The following WDPCP variants were observed in gnomAD, a reference collection of about 807,000 sequenced individuals.
WDPCP encodes the protein WD repeat containing planar cell polarity effector, also known as WD repeat-containing and planar cell polarity effector protein fritz homolog.
A neutral mutation model predicts 93.1 loss-of-function variants in WDPCP; 71 were observed. The ratio of observed to expected loss-of-function variants is 0.76; its 90% CI spans 0.63 to 0.93. The LOEUF (loss-of-function observed/expected upper bound fraction) is 0.93. WDPCP is among the 40% of genes least tolerant of loss of function. The probability of loss-of-function intolerance (pLI) is 0.00; values close to 1 mark genes in which losing one functional copy is unlikely to be tolerated. For synonymous variants in WDPCP, 315 were observed against 315.0 expected (o/e 1.00, Z 0.00); for missense variants, 844 against 887.4 (o/e 0.95, Z 0.62).
the WDPCP span, among the ~76,000 whole-genome samples, chr2:63,835,137 A>T: frequency 6.6e-6 from 1 of 152,014 alleles, no homozygotes; most frequent in African/African-American, 2.4e-5. Flanking sequence ...TTGTAATCCC[A>T]GCACTTTGGG....
intron 1 of WDPCP, among the ~76,000 whole-genome samples, chr2:63,557,535 G>C (rs1005012471): frequency 2.6e-5 from 4 of 152,132 alleles, no homozygotes; most frequent in Admixed American, 1.3e-4. Flanking sequence ...CCTACAAAGA[G>C]ACTTAGACTC....
intron 1 of WDPCP, 94 bp from the exon 2 acceptor site, chr2:63,493,034 G>T: frequency 2.9e-6 from 3 of 1,043,354 alleles, no homozygotes; most frequent in Non-Finnish European, 4.4e-6. Flanking sequence ...AGAATCATTC[G>T]CCACAACTGT....
At chr2:63,550,385 T>G (rs1705515046) in intron 1 of WDPCP, among the ~76,000 whole-genome samples, 1 of 152,176 alleles carries the variant, frequency 6.6e-6, no homozygotes, top group African/African-American at 2.4e-5. Context: ...TCACCAATGA[T>G]TTCCTTGTTC....
intron 2 of WDPCP, among the ~76,000 whole-genome samples, chr2:63,490,725 G>C (rs1479702691): frequency 6.6e-6 from 1 of 152,164 alleles, no homozygotes; most frequent in Non-Finnish European, 1.5e-5. Context: ...AACAGGGACA[G>C]AAAACTTGAG....
At chr2:63,550,333 G>GGTTT (rs2106352210) in intron 1 of WDPCP, among the ~76,000 whole-genome samples, 2 of 151,844 alleles carry the variant, frequency 1.3e-5, no homozygotes, top group East Asian at 3.9e-4. Context: ...CCTGCACTAT[G>GGTTT]GTTTCTATTT....
intron 14 of WDPCP, among the ~76,000 whole-genome samples, chr2:63,231,051 G>C (rs558616958): frequency 2.6e-5 from 4 of 152,140 alleles, no homozygotes; most frequent in Non-Finnish European, 4.4e-5. Flanking sequence ...TATCCACCAC[G>C]ATCAAGTGGG....
At chr2:63,610,727 C>G (rs1400028530) in intron 3 of WDPCP, among the ~76,000 whole-genome samples, 1 of 152,166 alleles carries the variant, frequency 6.6e-6, no homozygotes, top group Non-Finnish European at 1.5e-5. Context: ...GTAACCATCC[C>G]CTTTTGTACA....
chr2:63,353,029 C>T (rs955586743), intron 12 of WDPCP, among the ~76,000 whole-genome samples: 11 of 152,152 alleles, frequency 7.2e-5, no homozygotes, highest in Admixed American at 2.0e-4. Context: ...ACCTGACCCA[C>T]GGAGAACAAA....
At chr2:63,378,556 C>T in intron 11 of WDPCP, 47 bp from the exon 12 acceptor site, 1 of 1,611,822 alleles carries the variant, frequency 6.2e-7, no homozygotes, top group Non-Finnish European at 8.5e-7. Context: ...AAAACTCCTT[C>T]AATTACAACA....
chr2:63,397,952 G>A (rs571089970), intron 10 of WDPCP, among the ~76,000 whole-genome samples: 2 of 152,242 alleles, frequency 1.3e-5, no homozygotes, highest in South Asian at 4.2e-4. Context: ...GTGTAGTTTG[G>A]GCCTGTTTAT....
At chr2:63,498,848 G>C (rs1701379750) in intron 1 of WDPCP, among the ~76,000 whole-genome samples, 2 of 152,192 alleles carry the variant, frequency 1.3e-5, no homozygotes, top group African/African-American at 4.8e-5. Flanking sequence ...TGATAGCATG[G>C]CATCCATAAG....
chr2:63,144,486 C>G (rs1671336322), intron 17 of WDPCP, among the ~76,000 whole-genome samples: 1 of 152,120 alleles, frequency 6.6e-6, no homozygotes, highest in Admixed American at 6.5e-5. Context: ...AAAATCCTGG[C>G]CTTGTGATCT....
At position 63,554,231 on chromosome 2, in the gene WDPCP, TTA is replaced by T. The variant is rs541565273; in HGVS notation, c.75+33964_75+33965del. Among the ~76,000 whole-genome samples, 124 of 152,338 alleles carry T rather than the reference TTA, an allele frequency of 8.1e-4. No homozygotes were observed. In the Middle Eastern group the frequency reaches 0.01, roughly 13 times the overall value. ...GAAGTTTCTTCGCTTTGAATTTTTC[TTA>T]TGTTTCCTTGGAATTAGATGTGGCT... is the stretch of plus-strand genomic sequence containing the variant. On this transcript the variant is annotated intron_variant, in intron 1 of 17. Coordinates refer to ENST00000272321, the MANE Select transcript of WDPCP (RefSeq NM_015910.7).
chr2:63,302,850 C>T (rs1161114697), intron 13 of WDPCP, among the ~76,000 whole-genome samples: 1 of 152,226 alleles, frequency 6.6e-6, no homozygotes, highest in South Asian at 2.1e-4. Flanking sequence ...CAGTAACAAA[C>T]TTGGCTACAG....
At chr2:63,492,965 G>A in intron 1 of WDPCP, 25 bp from the exon 2 acceptor site, 3 of 1,593,654 alleles carry the variant, frequency 1.9e-6, no homozygotes, top group Non-Finnish European at 2.6e-6. Context: ...ATTAAAAAGA[G>A]GTGCCAATTA....
intron 3 of WDPCP, chr2:63,622,819 A>C (rs1404719746): frequency 6.2e-7 from 1 of 1,610,698 alleles, no homozygotes; most frequent in Non-Finnish European, 8.5e-7. Flanking sequence ...TGGCCCAGGA[A>C]ATACTTAACC....
chr2:63,366,044 T>C (rs547159493), intron 12 of WDPCP, among the ~76,000 whole-genome samples: 18 of 152,282 alleles, frequency 1.2e-4, no homozygotes, highest in South Asian at 6.2e-4. Flanking sequence ...AATAGGATCA[T>C]AGAATCTCAT....
chr2:63,557,590 T>G (rs1440440111), intron 1 of WDPCP, among the ~76,000 whole-genome samples: 1 of 151,752 alleles, frequency 6.6e-6, no homozygotes, highest in Non-Finnish European at 1.5e-5. Context: ...CTGTCAATAT[T>G]AGACAGAAAA....
At chr2:63,503,401 G>A (rs1360574614) in intron 1 of WDPCP, among the ~76,000 whole-genome samples, 1 of 152,120 alleles carries the variant, frequency 6.6e-6, no homozygotes, top group Non-Finnish European at 1.5e-5. Context: ...ATCCCAAAGA[G>A]ACTTGTATCT....
Sources: gnomAD v4.1 joint callset for allele counts (sites outside exome capture counted in the v4.1 genomes callset) on GRCh38, gnomAD v4.1.1 for gene constraint, MANE v1.5 for transcripts, NCBI Gene and HGNC (gene_info 2026-07-23, HGNC 2026-07-21) for gene names.